IL1RAPL2: variants seen among roughly 807,000 people sequenced by gnomAD.
IL1RAPL2 encodes the protein interleukin 1 receptor accessory protein like 2.
IL1RAPL2 carries 3 observed loss-of-function variants against 44.1 expected under a neutral mutation model. That is an observed-to-expected ratio of 0.07 (90% CI 0.03 to 0.18). IL1RAPL2 has a LOEUF of 0.18. Ranked by LOEUF, IL1RAPL2 falls within the 10% of genes least tolerant of loss-of-function variation. The pLI, the probability that IL1RAPL2 is intolerant of heterozygous loss-of-function variation, is 1.00. For missense variants in IL1RAPL2, 391 were observed against 496.4 expected (o/e 0.79, Z 2.02); for synonymous variants, 181 against 178.8 (o/e 1.01, Z -0.10).
chrX:105,579,926 C>G (rs1308957426), intron 6 of IL1RAPL2, among the ~76,000 whole-genome samples: 1 of 111,851 alleles, frequency 8.9e-6, no homozygotes, highest in Non-Finnish European at 1.9e-5. Flanking sequence ...GCTAAGAGGC[C>G]AAGATAGTCC....
chrX:105,144,194 T>A (rs1320927958), intron 2 of IL1RAPL2, among the ~76,000 whole-genome samples: 1 of 106,604 alleles, frequency 9.4e-6, no homozygotes, highest in Non-Finnish European at 1.9e-5. Context: ...CCCCATTTGC[T>A]TCTGCCAATC....
chrX:105,653,189 T>C (rs752615352), intron 6 of IL1RAPL2, among the ~76,000 whole-genome samples: 61 of 111,634 alleles, frequency 5.5e-4, no homozygotes, highest in Non-Finnish European at 9.8e-4. Flanking sequence ...ATCCCTAAAA[T>C]ATATCCTCCT....
At chrX:104,617,415 G>T (rs1929301629) in intron 1 of IL1RAPL2, among the ~76,000 whole-genome samples, 1 of 111,902 alleles carries the variant, frequency 8.9e-6, no homozygotes, top group Admixed American at 9.5e-5. Flanking sequence ...TCTATCTCTA[G>T]CACGATTAGG....
chrX:105,639,853 C>G (rs2037551913), intron 6 of IL1RAPL2, among the ~76,000 whole-genome samples: 1 of 111,209 alleles, frequency 9.0e-6, no homozygotes, highest in Non-Finnish European at 1.9e-5. Context: ...TTTAAATACC[C>G]AAGACATGAA....
At chrX:104,813,008 A>G (rs913170707) in intron 2 of IL1RAPL2, among the ~76,000 whole-genome samples, 5 of 112,378 alleles carry the variant, frequency 4.4e-5, no homozygotes, top group Non-Finnish European at 1.9e-5. Context: ...TCTTCAGCTT[A>G]TTCACTCAAC....
chrX:105,510,870 G>T (rs756678146), intron 6 of IL1RAPL2, among the ~76,000 whole-genome samples: 1 of 111,685 alleles, frequency 9.0e-6, no homozygotes, highest in Non-Finnish European at 1.9e-5. Context: ...GACTTGTGAC[G>T]TACAGAACTG....
chrX:105,553,237 G>T (rs1041494452), intron 6 of IL1RAPL2, among the ~76,000 whole-genome samples: 2 of 111,729 alleles, frequency 1.8e-5, no homozygotes, highest in Admixed American at 9.5e-5. Context: ...GATTATGAGT[G>T]ACTGCATGTT....
intron 5 of IL1RAPL2, among the ~76,000 whole-genome samples, chrX:105,479,569 GTC>G (rs1303419415): frequency 9.2e-6 from 1 of 108,421 alleles, no homozygotes; most frequent in East Asian, 2.9e-4. Flanking sequence ...GAGAAACCCT[GTC>G]TCTACTAAAA....
chrX:104,744,358 C>T (rs912927075), intron 2 of IL1RAPL2, among the ~76,000 whole-genome samples: 1 of 110,868 alleles, frequency 9.0e-6, no homozygotes, highest in Non-Finnish European at 1.9e-5. Flanking sequence ...AACTTTATTT[C>T]ATTTATTTTT....
intron 2 of IL1RAPL2, among the ~76,000 whole-genome samples, chrX:105,137,822 T>A (rs1472151755): frequency 2.7e-5 from 3 of 112,108 alleles, no homozygotes; most frequent in Non-Finnish European, 5.6e-5. Flanking sequence ...TCTCAACAAC[T>A]TGGGAGGCCA....
chrX:104,890,285 T>G (rs1182664645), intron 2 of IL1RAPL2, among the ~76,000 whole-genome samples: 1 of 112,052 alleles, frequency 8.9e-6, no homozygotes, highest in African/African-American at 3.3e-5. Context: ...TATAGCAGCA[T>G]GATTTATAGT....
chrX:104,854,652 A>AT lies in IL1RAPL2; in HGVS notation c.82+195672dup, dbSNP rs371393922. ...GTAGAAGCTGGTTACAAGAGAAAGA[A>AT]TTTTTTTTTTTTTTTGCCTTTGGAG... On this transcript the variant is annotated intron_variant, in intron 2 of 10. Transcript: ENST00000372582. 3.1e-3 allele frequency among the ~76,000 whole-genome samples: 313 copies of AT among 100,904 alleles called. 1 individual carries two copies. Among genetic ancestry groups the AT allele is most frequent in the South Asian group, 0.013 (29 of 2,252 alleles). The allele number at this position is 100,904 out of a possible 115,157, so 87.6% of individuals were successfully genotyped here.
At chrX:105,290,956 A>G (rs2034607949) in intron 5 of IL1RAPL2, among the ~76,000 whole-genome samples, 1 of 111,730 alleles carries the variant, frequency 9.0e-6, no homozygotes, top group African/African-American at 3.3e-5. Flanking sequence ...GCTGAGACAC[A>G]TGGCTCTGAA....
intron 5 of IL1RAPL2, among the ~76,000 whole-genome samples, chrX:105,363,304 ATATAATAT>A (rs2035265446): frequency 1.3e-5 from 1 of 76,001 alleles, no homozygotes; most frequent in African/African-American, 1.1e-4. Flanking sequence ...ATATATATAT[ATATAATAT>A]ATATATATAT....
intron 6 of IL1RAPL2, among the ~76,000 whole-genome samples, chrX:105,518,672 C>T (rs760973225): frequency 9.0e-6 from 1 of 111,726 alleles, no homozygotes; most frequent in African/African-American, 3.2e-5. Flanking sequence ...CTTTTCTCAC[C>T]ACTACTTGTA....
rs950469607 is a variant in IL1RAPL2, at chrX:105,044,352, C to G, written c.83-151123C>G. Among the ~76,000 whole-genome samples the G allele has an allele frequency of 2.7e-5, 3 of 110,635 alleles. No homozygotes were observed. The Admixed American group carries it at 2.9e-4, about 11-fold the overall frequency. ...TGGTGAACTGAACATAGGCCTGAAT[C>G]TCTACTCCATCCCTAAACCCCACTG... On this transcript the variant is annotated intron_variant, in intron 2 of 10. Coordinates refer to ENST00000372582, the MANE Select transcript of IL1RAPL2 (RefSeq NM_017416.2).
rs544062774 is a variant in IL1RAPL2, at chrX:105,481,187, C to T, written c.698-3126C>T. 3.6e-5 allele frequency among the ~76,000 whole-genome samples: 4 copies of T among 112,163 alleles called. No homozygotes were observed. The South Asian group carries it at 1.5e-3, about 42-fold the overall frequency. ...CAGTACTGAGCTCTTTACCTGTCTA[C>T]TGCCTACAACTTATATCCTGTTTTC... On this transcript the variant is annotated intron_variant, in intron 5 of 10. Transcript: ENST00000372582.
intron 6 of IL1RAPL2, among the ~76,000 whole-genome samples, chrX:105,538,451 T>C (rs904245700): frequency 3.6e-5 from 4 of 111,731 alleles, no homozygotes; most frequent in Admixed American, 9.5e-5. Flanking sequence ...CTAATACATT[T>C]TACAGAAAGA....
intron 2 of IL1RAPL2, among the ~76,000 whole-genome samples, chrX:105,063,352 A>G (rs1023489500): frequency 3.6e-5 from 4 of 112,496 alleles, no homozygotes; most frequent in African/African-American, 9.7e-5. Context: ...CAAAACAGCT[A>G]TTTTGAATTC....
Sources: allele counts gnomAD v4.1 joint callset (sites outside exome capture counted in the v4.1 genomes callset), GRCh38; gene constraint gnomAD v4.1.1; transcripts MANE v1.5; gene names NCBI Gene and HGNC (gene_info 2026-07-23, HGNC 2026-07-21).